FXR1: variants seen among roughly 807,000 people sequenced by gnomAD.
FXR1 encodes the protein RNA-binding protein FXR1.
A neutral mutation model predicts 84.0 loss-of-function variants in FXR1; 15 were observed. That is an observed-to-expected ratio of 0.18 (90% CI 0.12 to 0.27). The LOEUF is 0.27. FXR1 is among the 10% of genes least tolerant of loss of function. The pLI is 1.00. For missense variants in FXR1, 480 were observed against 774.4 expected (o/e 0.62, Z 4.51); for synonymous variants, 245 against 250.7 (o/e 0.98, Z 0.21).
intron 15 of FXR1, among the ~76,000 whole-genome samples, chr3:180,974,837 A>T (rs1237743499): frequency 2.0e-5 from 3 of 151,400 alleles, no homozygotes; most frequent in South Asian, 2.1e-4. Context: ...ATTGTGCTTT[A>T]AAAAAAAACA....
chr3:180,946,420 TATA>T (rs1223164469), intron 3 of FXR1, among the ~76,000 whole-genome samples: 54 of 152,328 alleles, frequency 3.5e-4, no homozygotes, highest in African/African-American at 1.3e-3. Flanking sequence ...AGTGGATACA[TATA>T]ATAATTACAG....
chr3:180,959,393 C>G (rs1711798068), intron 10 of FXR1, among the ~76,000 whole-genome samples: 1 of 150,480 alleles, frequency 6.6e-6, no homozygotes, highest in Non-Finnish European at 1.5e-5. Context: ...AGAACAGAAA[C>G]TATTCTTATA....
chr3:180,928,962 G>C (rs1254775634), intron 1 of FXR1, among the ~76,000 whole-genome samples: 1 of 150,818 alleles, frequency 6.6e-6, no homozygotes, highest in East Asian at 1.9e-4. Flanking sequence ...CACTCTTGTT[G>C]CCTAGGCTGG....
intron 3 of FXR1, among the ~76,000 whole-genome samples, chr3:180,935,804 A>G (rs1453234164): frequency 1.3e-5 from 2 of 152,222 alleles, no homozygotes; most frequent in African/African-American, 4.8e-5. Context: ...CATGTCGTGC[A>G]TGTTCTTTCA....
intron 15 of FXR1, among the ~76,000 whole-genome samples, chr3:180,973,700 G>C (rs980661525): frequency 2.0e-5 from 3 of 152,188 alleles, no homozygotes; most frequent in African/African-American, 7.2e-5. Flanking sequence ...TTGGAAGGAA[G>C]GAGGCAGTTT....
At chr3:180,968,021 T>G in intron 13 of FXR1, 30 bp from the exon 14 acceptor site, 1 of 1,395,602 alleles carries the variant, frequency 7.2e-7, no homozygotes, top group Non-Finnish European at 1.0e-6. Flanking sequence ...TATAGAAATC[T>G]AAGTGGTTTA....
At chr3:180,971,030 G>C in intron 15 of FXR1, 1 of 654,616 alleles carries the variant, frequency 1.5e-6, no homozygotes, top group South Asian at 2.5e-5. Flanking sequence ...TTGTTTTTTT[G>C]TTTGTTTTTG....
chr3:180,968,129 G>A lies in FXR1; in HGVS notation c.1277G>A (p.Gly426Glu). The part of the protein sequence containing the change: ...KDELSDWSLA[G>E]EDDRDSRHQR... ...GAGCTGAGTGATTGGTCATTGGCAG[G>A]AGAAGATGATCGAGACAGCCGACAT... is the stretch of plus-strand genomic sequence containing the variant. The change falls in exon 14 of 17, where the codon GGA (glycine) becomes GAA (glutamate). Residue 426 changes from glycine (G) to glutamate (E), a missense_variant. Physicochemically the swap from Gly to Glu is moderately conservative, Grantham distance 98. Transcript: ENST00000357559. 6.2e-7 allele frequency: 1 copy of A among 1,613,496 alleles called. No homozygotes were observed. The highest frequency in any genetic ancestry group is 8.5e-7 in the Non-Finnish European group (1 of 1,179,428).
At chr3:180,955,462 A>G (rs551780026) in intron 9 of FXR1, among the ~76,000 whole-genome samples, 3 of 152,246 alleles carry the variant, frequency 2.0e-5, no homozygotes, top group South Asian at 2.1e-4. Context: ...AGAATTTTGT[A>G]TAATTATAAT....
chr3:180,926,804 T>C (rs1719283091), intron 1 of FXR1, among the ~76,000 whole-genome samples: 1 of 151,988 alleles, frequency 6.6e-6, no homozygotes, highest in Admixed American at 6.6e-5. Flanking sequence ...ATTGAAATGG[T>C]AGGAAGGCAT....
chr3:180,926,497 TATATATATA>T (rs1426868853), intron 1 of FXR1, among the ~76,000 whole-genome samples: 13 of 122,152 alleles, frequency 1.1e-4, no homozygotes, highest in East Asian at 2.2e-4. Context: ...TATATATATA[TATATATATA>T]TTTTTTTTTC....
chr3:180,949,077 G>A (rs577884468), intron 6 of FXR1, 150 bp from the exon 7 acceptor site: 1 of 679,578 alleles, frequency 1.5e-6, no homozygotes, highest in Non-Finnish European at 2.7e-6. Context: ...AATTCAGAAA[G>A]GAAAGTGTGA....
At chr3:180,975,491 T>A in intron 16 of FXR1, 87 bp downstream of exon 16, 1 of 531,090 alleles carries the variant, frequency 1.9e-6, no homozygotes, top group Non-Finnish European at 3.4e-6. Flanking sequence ...TACTGTGTGA[T>A]CACTTGTTTC....
Position 180,948,421 on chromosome 3 carries a change from C to G in FXR1, c.345C>G (p.Val115=). Residue 115 remains valine (V), a synonymous_variant, in exon 5 of 17, where the codon GTC becomes GTG. Coordinates refer to ENST00000357559, the MANE Select transcript of FXR1 (RefSeq NM_005087.4). ...TCACATTTGAACGACTTCGGCCTGT[C>G]AATCAAAATAAAACTGTCAAAAAAA... ...EIVTFERLRP[V]NQNKTVKKNT... is the part of the protein sequence containing the mutation. 6.2e-7 allele frequency: 1 copy of G among 1,606,172 alleles called. No homozygotes were observed.
intron 9 of FXR1, among the ~76,000 whole-genome samples, chr3:180,955,580 G>A (rs1722670216): frequency 6.6e-6 from 1 of 152,092 alleles, no homozygotes; most frequent in Admixed American, 6.5e-5. Flanking sequence ...TAAAGAAATC[G>A]TTAATTATTG....
intron 13 of FXR1, among the ~76,000 whole-genome samples, chr3:180,963,525 T>TA (rs1474464539): frequency 2.6e-5 from 4 of 152,200 alleles, no homozygotes; most frequent in Non-Finnish European, 5.9e-5. Flanking sequence ...CAAGATTGCA[T>TA]ATAGCAAGTC....
intron 8 of FXR1, among the ~76,000 whole-genome samples, chr3:180,951,754 C>T (rs903629268): frequency 2.0e-5 from 3 of 151,542 alleles, no homozygotes; most frequent in African/African-American, 7.3e-5. Flanking sequence ...AATAATCTAT[C>T]GAAGTATTTT....
chr3:180,948,370 T>A lies in FXR1; in HGVS notation c.294T>A (p.Ala98=), dbSNP rs369357473. The change falls in exon 5 of 17, where the codon GCT becomes GCA. Residue 98 remains alanine (A), a synonymous_variant. Transcript: ENST00000357559. ...AGTTTTATGTCATTGAATATGCTGCTTGTGACGCTACTTACAATGAAATAG... is the reference window on the plus strand; with the variant it reads ...AGTTTTATGTCATTGAATATGCTGCATGTGACGCTACTTACAATGAAATAG... ...KGEFYVIEYA[A]CDATYNEIVT... is the part of the protein sequence containing the mutation. 6.2e-7 allele frequency: 1 copy of A among 1,605,000 alleles called. No individual in the cohort carries two copies. Among genetic ancestry groups the A allele is most frequent in the Non-Finnish European group, 8.5e-7 (1 of 1,172,334 alleles).
chr3:180,949,771 G>A (rs1805575), intron 7 of FXR1, among the ~76,000 whole-genome samples: 1,978 of 152,278 alleles, frequency 0.013, 23 homozygotes, highest in Middle Eastern at 0.041. Flanking sequence ...AGTTGTGTCC[G>A]TAGAACAATT....
Sources: gnomAD v4.1 joint callset for allele counts (sites outside exome capture counted in the v4.1 genomes callset) on GRCh38, gnomAD v4.1.1 for gene constraint, MANE v1.5 for transcripts, NCBI Gene and HGNC (gene_info 2026-07-23, HGNC 2026-07-21) for gene names.